Variants in ZNF717 observed in about 807,000 individuals in gnomAD.
The protein encoded by ZNF717 is zinc finger protein 717, also known as krueppel-like factor X17.
In ZNF717, 9 loss-of-function variants were observed where a neutral mutation model predicts 13.8. The ratio of observed to expected loss-of-function variants is 0.65; its 90% CI spans 0.39 to 1.14. The LOEUF (loss-of-function observed/expected upper bound fraction) is 1.14. ZNF717 is among the 50% of genes most tolerant of loss of function. The probability of loss-of-function intolerance (pLI) is 0.01; values close to 1 mark genes in which losing one functional copy is unlikely to be tolerated. For synonymous variants in ZNF717, 327 were observed against 364.1 expected (o/e 0.90, Z 1.16); for missense variants, 1,040 against 1,080.7 (o/e 0.96, Z 0.53).
chr3:75,741,234 A>G lies in ZNF717; in HGVS notation c.277+42T>C, dbSNP rs768552345. 62 of 1,259,700 alleles carry G rather than the reference A, an allele frequency of 4.9e-5. No individual in the cohort carries two copies. The African/African-American group carries it at 8.8e-4, about 18-fold the overall frequency. The allele number at this position is 1,259,700 out of a possible 1,614,324, so 78.0% of individuals were successfully genotyped here. A position where few individuals can be genotyped will look rare whatever the true frequency, so the allele number is the denominator to read the frequency against. On this transcript the variant is annotated intron_variant, in intron 4 of 4. Transcript: ENST00000652011. The stretch of plus-strand genomic sequence containing the variant: ...ATAACACTACAAAAATTTGCTGGGC[A>G]TTACTCCTCCAGGCCTCCCTGCCTG...
intron 2 of ZNF717, among the ~76,000 whole-genome samples, chr3:75,763,886 AGAGG>A (rs1943227316): frequency 6.6e-6 from 1 of 152,220 alleles, no homozygotes; most frequent in South Asian, 2.1e-4. Flanking sequence ...ACTGATTTGA[AGAGG>A]AAGAAAAACC....
chr3:75,738,690 A>G lies in ZNF717; in HGVS notation c.933T>C (p.Tyr311=). 1.9e-6 allele frequency: 3 copies of G among 1,551,856 alleles called. No homozygotes were observed. Among genetic ancestry groups the G allele is most frequent in the Non-Finnish European group, 2.6e-6 (3 of 1,147,118 alleles). The change falls in exon 5 of 5, where the codon TAT becomes TAC. Residue 311 remains tyrosine (Y), a synonymous_variant. Coordinates refer to ENST00000652011, the MANE Select transcript of ZNF717 (RefSeq NM_001290208.3). ...QCKMPTEEKP[Y]ACNWCEKLFS... is the part of the protein sequence containing the mutation. ...ACAATTTTTCACACCAGTTACAGGC[A>G]TAAGGTTTTTCCTCAGTAGGCATCT...
chr3:75,780,365 T>A (rs1488394097), intron 2 of ZNF717, among the ~76,000 whole-genome samples: 2 of 152,252 alleles, frequency 1.3e-5, no homozygotes, highest in Non-Finnish European at 2.9e-5. Context: ...CCCTACATTT[T>A]GGTCACACTC....
chr3:75,705,632 T>C (rs1452487137), downstream of ZNF717, among the ~76,000 whole-genome samples: 4 of 152,116 alleles, frequency 2.6e-5, no homozygotes, highest in African/African-American at 9.7e-5. Flanking sequence ...AGTCTTGTCT[T>C]ACATATATAC....
At chr3:75,706,433 C>T (rs796741953), downstream of ZNF717, among the ~76,000 whole-genome samples, 1 of 152,294 alleles carries the variant, frequency 6.6e-6, no homozygotes, top group African/African-American at 2.4e-5. Flanking sequence ...GCAGAGATAA[C>T]ATAAAATAAA....
At chr3:75,714,044 C>T (rs1172864712) in intron 5 of ZNF717, among the ~76,000 whole-genome samples, 3 of 152,070 alleles carry the variant, frequency 2.0e-5, no homozygotes, top group South Asian at 2.1e-4. Context: ...ACTAATTTTG[C>T]TACTGCTAAC....
chr3:75,777,905 C>G (rs767801953), intron 2 of ZNF717, among the ~76,000 whole-genome samples: 1 of 134,678 alleles, frequency 7.4e-6, no homozygotes, highest in Non-Finnish European at 1.6e-5. Context: ...TAAAACGGAA[C>G]CCAAAACAAT....
chr3:75,771,679 G>A (rs552826751), intron 2 of ZNF717, among the ~76,000 whole-genome samples: 1 of 152,326 alleles, frequency 6.6e-6, no homozygotes, highest in Admixed American at 6.5e-5. Flanking sequence ...CTGGGGCTGT[G>A]CGCTCCTCGA....
chr3:75,736,866 T>G lies in ZNF717; in HGVS notation c.*12A>C. The G allele has an allele frequency of 1.3e-6, 2 of 1,536,108 alleles. No homozygotes were observed. The highest frequency in any genetic ancestry group is 8.8e-7 in the Non-Finnish European group (1 of 1,140,012). The stretch of plus-strand genomic sequence containing the variant: ...ATCTGTAATAGTAGCCAGAGAGGTG[T>G]AGGTTGTGTGTTCAAGGGAAAAAAG... On this transcript the variant is annotated 3_prime_UTR_variant, in exon 5 of 5. Transcript: ENST00000652011.
downstream of ZNF717, among the ~76,000 whole-genome samples, chr3:75,731,358 CAG>C (rs998850190): frequency 1.8e-3 from 267 of 152,248 alleles, no homozygotes; most frequent in African/African-American, 5.8e-3. Flanking sequence ...GCCTGGATGA[CAG>C]AGTGAGCTCT....
chr3:75,739,793 T>C (rs1263677224), intron 4 of ZNF717, among the ~76,000 whole-genome samples: 5 of 152,238 alleles, frequency 3.3e-5, no homozygotes, highest in Non-Finnish European at 7.3e-5. Flanking sequence ...GTATAGGAGA[T>C]GGCCATTTTT....
At chr3:75,717,657 T>C (rs1938082945) in intron 4 of ZNF717, among the ~76,000 whole-genome samples, 3 of 152,084 alleles carry the variant, frequency 2.0e-5, no homozygotes. Flanking sequence ...CTACTAAGCA[T>C]TTGCCACCTC....
chr3:75,766,329 T>C (rs1286321237), intron 2 of ZNF717, among the ~76,000 whole-genome samples: 1 of 150,978 alleles, frequency 6.6e-6, no homozygotes, highest in Non-Finnish European at 1.5e-5. Flanking sequence ...ATGCAGACAC[T>C]AATCATAAAA....
intron 2 of ZNF717, among the ~76,000 whole-genome samples, chr3:75,768,938 C>T (rs907774754): frequency 3.3e-5 from 5 of 152,214 alleles, no homozygotes; most frequent in African/African-American, 1.2e-4. Context: ...ATTCAGGATT[C>T]AGATGGGCTC....
intron 2 of ZNF717, among the ~76,000 whole-genome samples, chr3:75,751,634 G>A (rs1575836721): frequency 1.3e-5 from 2 of 151,076 alleles, no homozygotes; most frequent in Non-Finnish European, 2.9e-5. Flanking sequence ...TAACACTCCT[G>A]CTGTGGTGTG....
intron 6 of ZNF717, among the ~76,000 whole-genome samples, chr3:75,696,717 G>C (rs76909950): frequency 2.2e-3 from 338 of 151,812 alleles, no homozygotes; most frequent in African/African-American, 7.9e-3. Context: ...ACATGGCAAA[G>C]CCCTGTCTCT....
At chr3:75,754,871 C>T (rs1942334463) in intron 2 of ZNF717, among the ~76,000 whole-genome samples, 1 of 151,924 alleles carries the variant, frequency 6.6e-6, no homozygotes, top group African/African-American at 2.4e-5. Context: ...TAAATGCCAA[C>T]AACCTACACT....
At chr3:75,756,846 T>C (rs1219467816) in intron 2 of ZNF717, among the ~76,000 whole-genome samples, 2 of 152,124 alleles carry the variant, frequency 1.3e-5, no homozygotes, top group Non-Finnish European at 2.9e-5. Context: ...GGCTAATGTT[T>C]TGTATTTTTA....
At chr3:75,696,918 C>G (rs112314036) in intron 6 of ZNF717, among the ~76,000 whole-genome samples, 2 of 15,404 alleles carry the variant, frequency 1.3e-4, no homozygotes, top group Admixed American at 6.4e-4. Context: ...AAAAAAAAAA[C>G]AAGGACAAAA....
Sources: gnomAD v4.1 joint callset for allele counts (sites outside exome capture counted in the v4.1 genomes callset) on GRCh38, gnomAD v4.1.1 for gene constraint, MANE v1.5 for transcripts, NCBI Gene and HGNC (gene_info 2026-07-23, HGNC 2026-07-21) for gene names.